DYM: variants seen among roughly 807,000 people sequenced by gnomAD.
DYM encodes dymeclin.
In DYM, 78 loss-of-function variants were observed where a neutral mutation model predicts 93.1. The ratio of observed to expected loss-of-function variants is 0.84; its 90% CI spans 0.70 to 1.01. The LOEUF (loss-of-function observed/expected upper bound fraction) is 1.01. DYM is among the 50% of genes least tolerant of loss of function. DYM has a pLI of 0.00. For synonymous variants in DYM, 321 were observed against 319.7 expected, an observed-to-expected ratio of 1.00 and a Z score of -0.04; for missense variants, 789 against 845.0, an observed-to-expected ratio of 0.93 and a Z score of 0.82.
intron 13 of DYM, among the ~76,000 whole-genome samples, chr18:49,240,703 T>C (rs1451603221): frequency 2.0e-5 from 3 of 152,232 alleles, no homozygotes; most frequent in Admixed American, 6.5e-5. Context: ...TCTCATGTTC[T>C]TTCGTGTAAA....
chr18:49,097,773 C>T (rs911391568), intron 16 of DYM, among the ~76,000 whole-genome samples: 1 of 152,028 alleles, frequency 6.6e-6, no homozygotes, highest in Non-Finnish European at 1.5e-5. Context: ...TCTTGTGCTG[C>T]CTGACCTTGC....
chr18:49,375,446 CT>C (rs201911291), intron 5 of DYM, among the ~76,000 whole-genome samples: 2 of 151,648 alleles, frequency 1.3e-5, no homozygotes, highest in African/African-American at 2.4e-5. Context: ...CCCCTTCCCC[CT>C]ATCCCCCAAA....
intron 17 of DYM, among the ~76,000 whole-genome samples, chr18:49,073,489 G>C (rs143429599): frequency 1.5e-4 from 23 of 152,158 alleles, no homozygotes; most frequent in Non-Finnish European, 2.9e-4. Context: ...GAAGGCAAGA[G>C]AAGTTTGGAA....
intron 16 of DYM, among the ~76,000 whole-genome samples, chr18:49,099,427 CA>C (rs528243987): frequency 1.3e-5 from 2 of 152,092 alleles, no homozygotes; most frequent in South Asian, 4.1e-4. Context: ...GAATCCAGAC[CA>C]GAGGTTTCCA....
At chr18:49,345,341 G>A (rs2064495688) in intron 6 of DYM, among the ~76,000 whole-genome samples, 1 of 152,102 alleles carries the variant, frequency 6.6e-6, no homozygotes, top group Non-Finnish European at 1.5e-5. Context: ...TACCTGGACA[G>A]CCGTTGTCCA....
intron 2 of DYM, among the ~76,000 whole-genome samples, chr18:49,414,012 AAAAG>A (rs140966484): frequency 0.079 from 12,007 of 151,922 alleles, 743 homozygotes; most frequent in East Asian, 0.3. Flanking sequence ...TCTGTCTCAA[AAAAG>A]AAAGAAAGAA....
At chr18:49,135,309 C>T (rs1404891772) in intron 15 of DYM, among the ~76,000 whole-genome samples, 1 of 152,110 alleles carries the variant, frequency 6.6e-6, no homozygotes, top group African/African-American at 2.4e-5. Context: ...TAAAGACTCC[C>T]CAGTTGTATG....
At chr18:49,430,192 A>G in intron 2 of DYM, 63 bp downstream of exon 2, 1 of 1,513,834 alleles carries the variant, frequency 6.6e-7, no homozygotes, top group Non-Finnish European at 9.2e-7. Context: ...TTTTTTAATC[A>G]GCATACCACA....
At chr18:49,241,438 G>A (rs546963842) in intron 13 of DYM, among the ~76,000 whole-genome samples, 11 of 152,244 alleles carry the variant, frequency 7.2e-5, no homozygotes, top group African/African-American at 2.6e-4. Context: ...CTTATAGATG[G>A]CTAGACTTAT....
intron 14 of DYM, among the ~76,000 whole-genome samples, chr18:49,209,146 T>C (rs1016032617): frequency 6.6e-6 from 1 of 152,186 alleles, no homozygotes; most frequent in African/African-American, 2.4e-5. Context: ...TATCGGAACA[T>C]AGGTGAAATC....
chr18:49,187,498 T>C (rs962082885), intron 14 of DYM, among the ~76,000 whole-genome samples: 36 of 152,324 alleles, frequency 2.4e-4, no homozygotes, highest in African/African-American at 7.9e-4. Flanking sequence ...TTCAGCAGAA[T>C]TGTACATTAA....
At chr18:49,416,061 C>T (rs908465640) in intron 2 of DYM, among the ~76,000 whole-genome samples, 34 of 152,078 alleles carry the variant, frequency 2.2e-4, no homozygotes, top group African/African-American at 7.7e-4. Flanking sequence ...CAAGATAAAG[C>T]GGTCATCAGA....
chr18:49,281,419 G>C lies in DYM; in HGVS notation c.1125+578C>G, dbSNP rs534323641. Among the ~76,000 whole-genome samples the C allele has an allele frequency of 3.5e-3, 530 of 152,282 alleles. 4 individuals carry two copies. The highest frequency in any genetic ancestry group is 0.012 in the African/African-American group (489 of 41,562). On this transcript the variant is annotated intron_variant, in intron 10 of 17. Transcript: ENST00000675505. ...GCAATTCCTCAGGGATCTAGAACTAGAAATACCATTTGACCCAGCCATCCC... is the reference window on the plus strand; with the variant it reads ...GCAATTCCTCAGGGATCTAGAACTACAAATACCATTTGACCCAGCCATCCC...
At chr18:49,299,121 A>C (rs2060742212) in intron 8 of DYM, among the ~76,000 whole-genome samples, 1 of 152,164 alleles carries the variant, frequency 6.6e-6, no homozygotes, top group Non-Finnish European at 1.5e-5. Flanking sequence ...GTGTTTCCCA[A>C]AATGGTACAC....
At chr18:49,095,447 G>GTTTTT (rs202172264) in intron 17 of DYM, among the ~76,000 whole-genome samples, 1 of 142,478 alleles carries the variant, frequency 7.0e-6, no homozygotes. Context: ...TGGTGATAGT[G>GTTTTT]TTTTTTTTTT....
chr18:49,081,673 A>G (rs2078052490), intron 17 of DYM, among the ~76,000 whole-genome samples: 1 of 152,134 alleles, frequency 6.6e-6, no homozygotes, highest in East Asian at 1.9e-4. Context: ...TGTGTGGTTC[A>G]AGGTTTAGTC....
chr18:49,296,373 T>C (rs1335491404), intron 8 of DYM, among the ~76,000 whole-genome samples: 1 of 152,246 alleles, frequency 6.6e-6, no homozygotes, highest in Non-Finnish European at 1.5e-5. Flanking sequence ...GTGTATTTGC[T>C]GCCTATGTAC....
rs116522386 is a variant in DYM, at chr18:49,092,232, T to C, written c.2025+5170A>G. Among the ~76,000 whole-genome samples, 1,230 of 152,310 alleles carry C rather than the reference T, an allele frequency of 8.1e-3. 13 individuals carry two copies. Among genetic ancestry groups the C allele is most frequent in the Middle Eastern group, 0.071 (21 of 294 alleles). ...AGCAGAGAGAAATAGGGGAGTCCTA[T>C]TGTTCCAGTTGGACACTAAGCTGAA... On this transcript the variant is annotated intron_variant, in intron 17 of 17. Coordinates refer to ENST00000675505, the MANE Select transcript of DYM (RefSeq NM_001353214.3).
chr18:49,305,952 A>T (rs2061247708), intron 8 of DYM, among the ~76,000 whole-genome samples: 1 of 152,224 alleles, frequency 6.6e-6, no homozygotes, highest in African/African-American at 2.4e-5. Flanking sequence ...TTAATCACTT[A>T]CTTAGATCTG....
Sources: allele counts gnomAD v4.1 joint callset (sites outside exome capture counted in the v4.1 genomes callset), GRCh38; gene constraint gnomAD v4.1.1; transcripts MANE v1.5; gene names NCBI Gene and HGNC (gene_info 2026-07-23, HGNC 2026-07-21).